The following L3HYPDH variants were observed in gnomAD, a reference collection of about 807,000 sequenced individuals.
The protein encoded by L3HYPDH is trans-L-3-hydroxyproline dehydratase.
Under a neutral mutation model 26.5 loss-of-function variants are expected in L3HYPDH, and 32 were observed. The observed-to-expected ratio is 1.21, with a 90% CI of 0.91 to 1.62. The LOEUF is 1.62. Among genes scored for constraint, L3HYPDH ranks in the 40% most tolerant of loss-of-function variants. L3HYPDH has a pLI of 0.00. For missense variants in L3HYPDH, 554 were observed against 476.4 expected (o/e 1.16, Z -1.52); for synonymous variants, 215 against 196.6 (o/e 1.09, Z -0.78).
chr14:59,492,797 A>G, the L3HYPDH span, among the ~76,000 whole-genome samples: 3 of 132,004 alleles, frequency 2.3e-5, no homozygotes, highest in Admixed American at 7.8e-5. Context: ...GAGAGCTGCT[A>G]TTTTTTTTTT....
downstream of L3HYPDH, among the ~76,000 whole-genome samples, chr14:59,469,306 G>C (rs975287110): frequency 6.6e-6 from 1 of 152,074 alleles, no homozygotes; most frequent in Admixed American, 6.5e-5. Context: ...TGTAATCCCA[G>C]CACTTTGGGA....
chr14:59,503,947 G>A, the L3HYPDH span: 4 of 1,613,594 alleles, frequency 2.5e-6, no homozygotes, highest in African/African-American at 5.3e-5. Context: ...CATTTCCAGA[G>A]TGGATAAACT....
chr14:59,471,327 A>C (rs545796512), downstream of L3HYPDH, among the ~76,000 whole-genome samples: 38 of 152,318 alleles, frequency 2.5e-4, no homozygotes, highest in African/African-American at 9.1e-4. Flanking sequence ...AACTGGAGGA[A>C]GTGTTGTAGG....
At chr14:59,487,145 G>A, upstream of L3HYPDH, 1 of 170,924 alleles carries the variant, frequency 5.9e-6, no homozygotes, top group Non-Finnish European at 1.2e-5. Context: ...GGAGGTTGCA[G>A]TGAGCCAAGA....
intron 4 of L3HYPDH, among the ~76,000 whole-genome samples, chr14:59,474,275 A>G (rs1889470920): frequency 6.6e-6 from 1 of 152,158 alleles, no homozygotes; most frequent in Non-Finnish European, 1.5e-5. Context: ...CTGGGAACAT[A>G]CCAAGGAAAA....
downstream of L3HYPDH, among the ~76,000 whole-genome samples, chr14:59,471,378 C>T (rs1889308093): frequency 6.6e-6 from 1 of 152,160 alleles, no homozygotes; most frequent in South Asian, 2.1e-4. Context: ...GATTTGCAGC[C>T]TCTAAATGAC....
intron 1 of L3HYPDH, among the ~76,000 whole-genome samples, chr14:59,479,647 C>G (rs1354143314): frequency 6.6e-6 from 1 of 152,152 alleles, no homozygotes; most frequent in African/African-American, 2.4e-5. Context: ...GGAAACACCC[C>G]TGAGGCCGAG....
downstream of L3HYPDH, chr14:59,472,504 T>C (rs1194208029): frequency 6.6e-6 from 1 of 152,454 alleles, no homozygotes; most frequent in Non-Finnish European, 1.5e-5. Context: ...TTGTGCTAAG[T>C]GTTGAGTACT....
intron 1 of L3HYPDH, among the ~76,000 whole-genome samples, chr14:59,480,137 A>G (rs1467127101): frequency 6.6e-6 from 1 of 152,202 alleles, no homozygotes; most frequent in Non-Finnish European, 1.5e-5. Context: ...CAGGGGAGAA[A>G]GCTTGTCTTT....
chr14:59,476,340 CAACGT>C, intron 2 of L3HYPDH, 126 bp from the exon 3 acceptor site: 1 of 675,024 alleles, frequency 1.5e-6, no homozygotes, highest in South Asian at 2.1e-5. Context: ...CCTTTTTGGG[CAACGT>C]ATACTAATTG....
At chr14:59,474,744 G>A in intron 4 of L3HYPDH, 1 of 397,266 alleles carries the variant, frequency 2.5e-6, no homozygotes, top group Non-Finnish European at 4.4e-6. Context: ...GGATTCTTGT[G>A]AGGATTAAAT....
upstream of L3HYPDH, among the ~76,000 whole-genome samples, chr14:59,486,416 A>C (rs533923582): frequency 3.2e-4 from 48 of 152,340 alleles, no homozygotes; most frequent in Non-Finnish European, 6.2e-4. Context: ...AGTTAAACTC[A>C]GAAGTATCCT....
Position 59,479,269 on chromosome 14 carries a change from A to G in L3HYPDH, c.591T>C (p.Ala197=), listed in dbSNP as rs1453294065. 2.5e-6 allele frequency: 4 copies of G among 1,613,772 alleles called. No individual in the cohort carries two copies. Among genetic ancestry groups the G allele is most frequent in the East Asian group, 2.2e-5 (1 of 44,898 alleles). ...YGGAFYAFVT[A]EKLGLDICSA... ...AACAAATGTCTAGTCCTAACTTTTC[A>G]GCAGTAACAAATGCATAAAATGCAC... Residue 197 remains alanine, a synonymous_variant, in exon 2 of 5, where the codon GCT becomes GCC. Coordinates refer to ENST00000247194, the MANE Select transcript of L3HYPDH (RefSeq NM_144581.2).
chr14:59,481,698 A>ATTTTAAAATGC (rs1890034996), intron 1 of L3HYPDH, among the ~76,000 whole-genome samples: 1 of 152,138 alleles, frequency 6.6e-6, no homozygotes, highest in Non-Finnish European at 1.5e-5. Context: ...GACAAGACAG[A>ATTTTAAAATGC]TTTTAAAATG....
At chr14:59,474,881 A>C (rs1889520080) in intron 4 of L3HYPDH, 1 of 178,854 alleles carries the variant, frequency 5.6e-6, no homozygotes, top group South Asian at 1.8e-4. Flanking sequence ...TTTTGCATAC[A>C]ACATAAATGG....
chr14:59,479,711 C>T (rs1210163140), intron 1 of L3HYPDH, among the ~76,000 whole-genome samples: 1 of 152,174 alleles, frequency 6.6e-6, no homozygotes, highest in Non-Finnish European at 1.5e-5. Context: ...ATGTCTATTC[C>T]CCACTTGTAC....
chr14:59,470,621 C>T (rs1377312997), downstream of L3HYPDH, among the ~76,000 whole-genome samples: 1 of 152,058 alleles, frequency 6.6e-6, no homozygotes, highest in East Asian at 1.9e-4. Flanking sequence ...ACTAGAGTTG[C>T]CTGTTCTAAA....
the L3HYPDH span, among the ~76,000 whole-genome samples, chr14:59,492,541 C>T: frequency 0.39 from 59,239 of 151,966 alleles, 12,282 homozygotes; most frequent in African/African-American, 0.52. Flanking sequence ...ATGGTATCCC[C>T]ATCAGGCATT....
chr14:59,473,126 T>C (rs1280182812), intron 4 of L3HYPDH, 36 bp from the exon 5 acceptor site: 3 of 1,553,566 alleles, frequency 1.9e-6, no homozygotes, highest in Non-Finnish European at 2.6e-6. Flanking sequence ...TATCAAAATA[T>C]TGCACTCGTA....
Sources: allele counts gnomAD v4.1 joint callset (sites outside exome capture counted in the v4.1 genomes callset), GRCh38; gene constraint gnomAD v4.1.1; transcripts MANE v1.5; gene names NCBI Gene and HGNC (gene_info 2026-07-23, HGNC 2026-07-21).